Variants in MBNL1 observed in about 807,000 individuals in gnomAD.
MBNL1 encodes the protein muscleblind like splicing regulator 1, also known as muscleblind-like protein 1.
A neutral mutation model predicts 42.2 loss-of-function variants in MBNL1; 8 were observed. The ratio of observed to expected loss-of-function variants is 0.19; its 90% CI spans 0.11 to 0.34. The LOEUF (loss-of-function observed/expected upper bound fraction) is 0.34. Among genes scored for constraint, MBNL1 ranks in the 10% least tolerant of loss-of-function variants. MBNL1 has a pLI of 1.00. For synonymous variants in MBNL1, 169 were observed against 173.9 expected, an observed-to-expected ratio of 0.97 and a Z score of 0.22; for missense variants, 309 against 495.3, an observed-to-expected ratio of 0.62 and a Z score of 3.57.
chr3:152,384,339 C>G (rs951093611), intron 2 of MBNL1, among the ~76,000 whole-genome samples: 1 of 152,038 alleles, frequency 6.6e-6, no homozygotes, highest in Admixed American at 6.6e-5. Context: ...CCTTTATCCT[C>G]AGAAGTTGCT....
chr3:152,243,893 C>A (rs1180641202), exon 1 of MBNL1: 3 of 152,432 alleles, frequency 2.0e-5, no homozygotes, highest in Admixed American at 2.0e-4. Flanking sequence ...GCAACCTCCG[C>A]CTCCTGAGTT....
intron 4 of MBNL1, among the ~76,000 whole-genome samples, chr3:152,440,230 T>G (rs1384465247): frequency 6.6e-6 from 1 of 152,232 alleles, no homozygotes; most frequent in Non-Finnish European, 1.5e-5. Flanking sequence ...CTTGAATTTT[T>G]TTGGAAGGAG....
chr3:152,451,096 G>A (rs1721970862), intron 6 of MBNL1, among the ~76,000 whole-genome samples: 2 of 152,300 alleles, frequency 1.3e-5, no homozygotes, highest in South Asian at 2.1e-4. Context: ...GAAGAAAATG[G>A]AATTCTTTTA....
At chr3:152,424,675 A>G (rs2098881107) in intron 3 of MBNL1, among the ~76,000 whole-genome samples, 1 of 152,160 alleles carries the variant, frequency 6.6e-6, no homozygotes, top group African/African-American at 2.4e-5. Flanking sequence ...ACCTGACTTC[A>G]TACTACAAGG....
chr3:152,433,828 G>A (rs905946607), intron 4 of MBNL1, among the ~76,000 whole-genome samples: 1 of 151,868 alleles, frequency 6.6e-6, no homozygotes, highest in African/African-American at 2.4e-5. Context: ...GGGCTCTGCT[G>A]TTGGTACATG....
At chr3:152,254,561 G>T (rs2035170833) in intron 2 of MBNL1, among the ~76,000 whole-genome samples, 1 of 151,884 alleles carries the variant, frequency 6.6e-6, no homozygotes, top group Admixed American at 6.6e-5. Context: ...ATATTTTTTT[G>T]TAATTACTTC....
chr3:152,384,409 G>A (rs2097321442), intron 2 of MBNL1, among the ~76,000 whole-genome samples: 1 of 152,040 alleles, frequency 6.6e-6, no homozygotes, highest in Non-Finnish European at 1.5e-5. Flanking sequence ...TAAAATGTAT[G>A]CAGTTTGAAA....
At chr3:152,376,978 A>G (rs1258960920) in intron 2 of MBNL1, among the ~76,000 whole-genome samples, 1 of 152,110 alleles carries the variant, frequency 6.6e-6, no homozygotes, top group African/African-American at 2.4e-5. Flanking sequence ...TAGACTTAAA[A>G]TGTTACATGA....
At chr3:152,384,270 A>G (rs1388897880) in intron 2 of MBNL1, among the ~76,000 whole-genome samples, 1 of 152,096 alleles carries the variant, frequency 6.6e-6, no homozygotes, top group Admixed American at 6.6e-5. Context: ...GTAGCCACCA[A>G]TAGTTAGGCT....
chr3:152,252,328 C>T lies in MBNL1; in HGVS notation n.333+7888C>T, dbSNP rs928712558. ...CCCTCTCTCTTTCTGGCTTCCCATTCAGGGTGATCACAACACTCCTTTTAC... is the reference window on the plus strand; with the variant it reads ...CCCTCTCTCTTTCTGGCTTCCCATTTAGGGTGATCACAACACTCCTTTTAC... On this transcript the variant is annotated intron_variant and non_coding_transcript_variant, in intron 2 of 2. Coordinates refer to the MBNL1 transcript ENST00000477171. 1.6e-4 allele frequency among the ~76,000 whole-genome samples: 22 copies of T among 140,516 alleles called. 1 individual carries two copies. The highest frequency in any genetic ancestry group is 2.5e-5 in the African/African-American group (1 of 39,248). 92.2% of individuals were successfully genotyped at this position (140,516 alleles called of 152,430 possible). A position where few individuals can be genotyped will look rare whatever the true frequency, so the allele number is the denominator to read the frequency against.
intron 2 of MBNL1, among the ~76,000 whole-genome samples, chr3:152,246,776 A>T (rs946669414): frequency 2.0e-5 from 3 of 151,858 alleles, no homozygotes; most frequent in Non-Finnish European, 2.9e-5. Context: ...GCATAGTTTG[A>T]TTGTGTGAAG....
At chr3:152,348,544 TA>T (rs2094558053) in intron 2 of MBNL1, among the ~76,000 whole-genome samples, 1 of 152,168 alleles carries the variant, frequency 6.6e-6, no homozygotes, top group Non-Finnish European at 1.5e-5. Context: ...GGTTGTAATT[TA>T]TTATGTAGGT....
chr3:152,363,929 C>T (rs1432251126), intron 2 of MBNL1, among the ~76,000 whole-genome samples: 5 of 152,062 alleles, frequency 3.3e-5, no homozygotes, highest in Admixed American at 1.3e-4. Context: ...TCACATTCTA[C>T]GCTTTTTCAT....
chr3:152,279,625 C>G (rs1045531302), intron 1 of MBNL1, among the ~76,000 whole-genome samples: 5 of 152,126 alleles, frequency 3.3e-5, no homozygotes, highest in African/African-American at 4.8e-5. Context: ...GGCCTCCCAT[C>G]TTCAGTAGAT....
At chr3:152,451,421 T>A (rs761082207) in intron 6 of MBNL1, among the ~76,000 whole-genome samples, 61 of 152,124 alleles carry the variant, frequency 4.0e-4, no homozygotes, top group Non-Finnish European at 6.6e-4. Flanking sequence ...TTTCCTTTCC[T>A]CTCTTTATCC....
At chr3:152,337,968 C>A in intron 2 of MBNL1, 1 of 444,520 alleles carries the variant, frequency 2.2e-6, no homozygotes, top group Non-Finnish European at 3.0e-6. Context: ...TTTCTGCTGC[C>A]TTGCGGATCA....
Position 152,463,139 on chromosome 3 carries a change from CT to C in MBNL1, c.*788del, listed in dbSNP as rs76959984. ...TACTAATCAGTCAAAGGGCACCATTCTTTTTTTTTTTTTTTGAAACCAAAGC... is the reference window on the plus strand; with the variant it reads ...TACTAATCAGTCAAAGGGCACCATTCTTTTTTTTTTTTTTGAAACCAAAGC... On this transcript the variant is annotated 3_prime_UTR_variant, in exon 10 of 10. Coordinates refer to ENST00000324210, the MANE Select transcript of MBNL1 (RefSeq NM_021038.5). 415 of 135,106 alleles carry C rather than the reference CT, an allele frequency of 3.1e-3. No individual in the cohort carries two copies. The highest frequency in any genetic ancestry group is 4.6e-3 in the East Asian group (22 of 4,754). 8.4% of individuals were successfully genotyped at this position (135,106 alleles called of 1,614,324 possible). A position where few individuals can be genotyped will look rare whatever the true frequency, so the allele number is the denominator to read the frequency against.
chr3:152,278,558 C>T (rs2046597826), intron 1 of MBNL1, among the ~76,000 whole-genome samples: 5 of 152,066 alleles, frequency 3.3e-5, no homozygotes, highest in South Asian at 4.1e-4. Context: ...AAATTGCCTA[C>T]GGGAAATGAC....
intron 1 of MBNL1, among the ~76,000 whole-genome samples, chr3:152,296,585 AG>A (rs1298724413): frequency 6.6e-6 from 1 of 152,190 alleles, no homozygotes; most frequent in Admixed American, 6.5e-5. Flanking sequence ...GCAATGAGAT[AG>A]GGAGCTGTCC....
Sources: gnomAD v4.1 joint callset for allele counts (sites outside exome capture counted in the v4.1 genomes callset) on GRCh38, gnomAD v4.1.1 for gene constraint, MANE v1.5 for transcripts, NCBI Gene and HGNC (gene_info 2026-07-23, HGNC 2026-07-21) for gene names.